The following SEC14L1 variants were observed in gnomAD, a reference collection of about 807,000 sequenced individuals.
The protein encoded by SEC14L1 is SEC14 like lipid binding 1.
SEC14L1 carries 48 observed loss-of-function variants against 85.3 expected under a neutral mutation model. The observed-to-expected ratio is 0.56, with a 90% confidence interval of 0.45 to 0.72. SEC14L1 has a LOEUF of 0.72. SEC14L1 is among the 30% of genes least tolerant of loss of function. SEC14L1 has a pLI of 0.00. For missense variants in SEC14L1, 682 were observed against 921.4 expected (o/e 0.74, Z 3.36); for synonymous variants, 391 against 355.5 (o/e 1.10, Z -1.12).
chr17:77,153,282 G>C (rs1477620357), intron 3 of SEC14L1, among the ~76,000 whole-genome samples: 1 of 152,176 alleles, frequency 6.6e-6, no homozygotes, highest in Non-Finnish European at 1.5e-5. Context: ...GGCCAGGCTG[G>C]TCTCAAACTC....
intron 3 of SEC14L1, among the ~76,000 whole-genome samples, chr17:77,101,685 T>G (rs1971780656): frequency 6.6e-6 from 1 of 152,198 alleles, no homozygotes. Flanking sequence ...GGCTGGAGAT[T>G]CGGCAGTTCT....
rs562479101 is a variant in SEC14L1, at chr17:77,213,038, C to G, written c.1864-276C>G. On this transcript the variant is annotated intron_variant, in intron 15 of 16. Coordinates refer to ENST00000436233, the MANE Select transcript of SEC14L1 (RefSeq NM_001143998.2). The surrounding 1 kb of genome is among the most constrained non-coding windows in gnomAD (Gnocchi z 7.1). ...CACCAGCCTGCCAGGCTCCTGCCTCCGTAGGTGGGGTGGGCTGGGCAGGCC... is the reference window on the plus strand; with the variant it reads ...CACCAGCCTGCCAGGCTCCTGCCTCGGTAGGTGGGGTGGGCTGGGCAGGCC... Among the ~76,000 whole-genome samples, 3 of 152,318 alleles carry G rather than the reference C, an allele frequency of 2.0e-5. No individual in the cohort carries two copies. In the South Asian group the frequency reaches 6.2e-4, roughly 32 times the overall value.
chr17:77,116,073 C>T (rs986946999), intron 3 of SEC14L1, among the ~76,000 whole-genome samples: 1 of 152,056 alleles, frequency 6.6e-6, no homozygotes, highest in Non-Finnish European at 1.5e-5. Context: ...TGCACACCAC[C>T]AGGTTCAGCG....
chr17:77,152,956 A>AC (rs1479610408), intron 3 of SEC14L1, among the ~76,000 whole-genome samples: 3 of 152,168 alleles, frequency 2.0e-5, no homozygotes, highest in Non-Finnish European at 4.4e-5. Flanking sequence ...CTGTTCAGTT[A>AC]CCTTAACCTT....
rs563193548 is a variant in SEC14L1 at position 77,160,314 on chromosome 17, G to C, written c.63+16655G>C. On this transcript the variant is annotated intron_variant, in intron 3 of 16. Coordinates refer to ENST00000436233, the MANE Select transcript of SEC14L1 (RefSeq NM_001143998.2). ...CTTTTACACTCTGGAAAGTAAAACC[G>C]TACTCTGCCAAGTCCAGGCGGATCT... 5.3e-5 allele frequency among the ~76,000 whole-genome samples: 8 copies of C among 152,312 alleles called. No individual in the cohort carries two copies. In the South Asian group the frequency reaches 1.7e-3, roughly 32 times the overall value.
intron 3 of SEC14L1, among the ~76,000 whole-genome samples, chr17:77,146,993 A>G (rs193149683): frequency 6.2e-4 from 95 of 152,342 alleles, no homozygotes; most frequent in African/African-American, 1.9e-3. Context: ...GGAAAGAGGT[A>G]TATATGCAGT....
Position 77,216,419 on chromosome 17 carries a change from G to C in SEC14L1, c.*2396G>C, listed in dbSNP as rs1315716125. 9.7e-5 allele frequency: 151 copies of C among 1,563,670 alleles called. 2 individuals carry two copies. In the South Asian group the frequency reaches 1.8e-3, roughly 19 times the overall value. The stretch of plus-strand genomic sequence containing the variant: ...CTAGTAGGTAGGGTTCGTAGGTAGG[G>C]TTCGTAGGTAGGGTTCGTAGGTAGG... On this transcript the variant is annotated 3_prime_UTR_variant, in exon 17 of 17. Transcript: ENST00000436233.
Position 77,214,956 on chromosome 17 carries a change from C to CA in SEC14L1, c.*934dup, listed in dbSNP as rs1976965773. On this transcript the variant is annotated 3_prime_UTR_variant, in exon 17 of 17. Transcript: ENST00000436233. ...GTCGCATTTGCCACTTGACACTGTC[C>CA]ATGGGGTTTTATTAGTAGCTAAGCA... is the stretch of plus-strand genomic sequence containing the variant. 1 of 985,426 alleles carries CA rather than the reference C, an allele frequency of 1.0e-6. No individual in the cohort carries two copies. Among genetic ancestry groups the CA allele is most frequent in the Non-Finnish European group, 1.2e-6 (1 of 829,982 alleles). 61.0% of individuals were successfully genotyped at this position (985,426 alleles called of 1,614,324 possible). A position where few individuals can be genotyped will look rare whatever the true frequency, so the allele number is the denominator to read the frequency against.
chr17:77,090,302 A>G (rs1971480155), intron 2 of SEC14L1, among the ~76,000 whole-genome samples: 1 of 151,908 alleles, frequency 6.6e-6, no homozygotes, highest in Non-Finnish European at 1.5e-5. Context: ...AAAAAAAAAA[A>G]AAAGGGCATA....
chr17:77,154,646 TGG>T (rs762746978), intron 3 of SEC14L1, among the ~76,000 whole-genome samples: 1,573 of 147,496 alleles, frequency 0.011, 16 homozygotes, highest in South Asian at 0.044. Context: ...TGTTTTTTTT[TGG>T]TTTTTTTTTA....
chr17:77,209,474 G>A lies in SEC14L1; in HGVS notation c.1609G>A (p.Glu537Lys). ...AAGCGTCTTCAAAGGAGCCCCACAT[G>A]AGGTACGTCCTCCGCCTTCCTGCAC... ...SASVFKGAPHEILIQIVDASS... is the reference protein window; with the variant it reads ...SASVFKGAPHKILIQIVDASS... Residue 537 changes from glutamate to lysine, a missense_variant and splice_region_variant, in exon 14 of 17, where the codon GAG becomes AAG. Physicochemically the swap from Glu to Lys is moderately conservative, Grantham distance 56 (BLOSUM62 1). This residue lies in a region of SEC14L1 where 420 missense variants were observed against 619.5 expected (regional missense o/e 0.68). Transcript: ENST00000436233. 6.2e-7 allele frequency: 1 copy of A among 1,613,922 alleles called. No homozygotes were observed. Among genetic ancestry groups the A allele is most frequent in the Non-Finnish European group, 8.5e-7 (1 of 1,179,998 alleles).
At chr17:77,143,976 T>C (rs1367251002) in intron 3 of SEC14L1, 3 of 255,858 alleles carry the variant, frequency 1.2e-5, no homozygotes, top group East Asian at 2.1e-4. Flanking sequence ...TTCGTTAGAG[T>C]AGCAAAGGGA....
intron 3 of SEC14L1, among the ~76,000 whole-genome samples, chr17:77,183,365 A>C (rs1187441231): frequency 1.3e-5 from 2 of 152,278 alleles, no homozygotes; most frequent in Non-Finnish European, 2.9e-5. Flanking sequence ...ACATGTGCAC[A>C]TACATTTTGT....
chr17:77,164,448 C>T (rs552943585), intron 3 of SEC14L1, among the ~76,000 whole-genome samples: 14 of 152,304 alleles, frequency 9.2e-5, no homozygotes, highest in East Asian at 3.9e-4. Context: ...TGGTGTGATC[C>T]GTCTCCCTGC....
chr17:77,177,492 T>A (rs1015369612), intron 3 of SEC14L1, among the ~76,000 whole-genome samples: 3 of 151,664 alleles, frequency 2.0e-5, no homozygotes, highest in Non-Finnish European at 4.4e-5. Flanking sequence ...TGGAAATTCT[T>A]GAAGAAGAAT....
intron 5 of SEC14L1, among the ~76,000 whole-genome samples, chr17:77,192,328 A>G (rs189457078): frequency 1.7e-4 from 26 of 152,226 alleles, no homozygotes; most frequent in Non-Finnish European, 5.9e-5. Context: ...TATCCTTAAC[A>G]CTGAATTCAA....
chr17:77,103,505 C>T (rs1971828678), intron 3 of SEC14L1, among the ~76,000 whole-genome samples: 1 of 147,688 alleles, frequency 6.8e-6, no homozygotes, highest in South Asian at 2.2e-4. Flanking sequence ...GCAGTGGTGT[C>T]ATCTCAGCTC....
intron 3 of SEC14L1, among the ~76,000 whole-genome samples, chr17:77,181,955 T>G (rs374953750): frequency 3.3e-5 from 5 of 152,278 alleles, no homozygotes; most frequent in African/African-American, 1.2e-4. Flanking sequence ...TTTCTTGATA[T>G]GTTGAATACT....
chr17:77,150,427 A>G (rs1186414036), intron 3 of SEC14L1, among the ~76,000 whole-genome samples: 1 of 152,214 alleles, frequency 6.6e-6, no homozygotes, highest in Non-Finnish European at 1.5e-5. Context: ...TCCAAATACC[A>G]GGGGAACTGA....
Sources: allele counts gnomAD v4.1 joint callset (sites outside exome capture counted in the v4.1 genomes callset), GRCh38; gene constraint gnomAD v4.1.1; regional missense constraint gnomAD v4.1.1; non-coding constraint Gnocchi (gnomAD v3.1); transcripts MANE v1.5; gene names NCBI Gene and HGNC (gene_info 2026-07-23, HGNC 2026-07-21).